Variants in STXBP5 observed in about 807,000 individuals in gnomAD.
STXBP5 encodes syntaxin binding protein 5.
STXBP5 carries 50 observed loss-of-function variants against 152.4 expected under a neutral mutation model. The observed-to-expected ratio is 0.33, with a 90% CI of 0.26 to 0.42. The LOEUF is 0.42. Ranked by LOEUF, STXBP5 falls within the 10% of genes least tolerant of loss-of-function variation. STXBP5 has a pLI of 1.00. For synonymous variants in STXBP5, 492 were observed against 494.7 expected, an observed-to-expected ratio of 0.99 and a Z score of 0.07; for missense variants, 1,167 against 1,388.6, an observed-to-expected ratio of 0.84 and a Z score of 2.54.
At chr6:147,232,528 CCCCTTGGGGCTAGCTG>C (rs1778056293) in intron 2 of STXBP5, among the ~76,000 whole-genome samples, 1 of 151,700 alleles carries the variant, frequency 6.6e-6, no homozygotes, top group Non-Finnish European at 1.5e-5. Context: ...GGTGGTAGGA[CCCCTTGGGGCTAGCTG>C]CAGCTGTATA....
intron 2 of STXBP5, among the ~76,000 whole-genome samples, chr6:147,229,357 A>C (rs1777882801): frequency 6.6e-6 from 1 of 151,692 alleles, no homozygotes; most frequent in Admixed American, 6.6e-5. Flanking sequence ...TTTTTTTTTA[A>C]CAGCTTTAGT....
chr6:147,290,684 A>G (rs995665608), intron 8 of STXBP5, among the ~76,000 whole-genome samples: 12 of 152,336 alleles, frequency 7.9e-5, no homozygotes, highest in African/African-American at 2.4e-4. Flanking sequence ...TTATTAGCAT[A>G]GGGCTTAATA....
intron 23 of STXBP5, among the ~76,000 whole-genome samples, chr6:147,362,423 G>A (rs1785108069): frequency 6.6e-6 from 1 of 152,120 alleles, no homozygotes; most frequent in Non-Finnish European, 1.5e-5. Context: ...TTACTCAGAA[G>A]TGAGCATAAA....
intron 7 of STXBP5, among the ~76,000 whole-genome samples, chr6:147,275,803 C>T (rs185006884): frequency 2.6e-4 from 40 of 152,070 alleles, no homozygotes; most frequent in Admixed American, 2.1e-3. Flanking sequence ...ATGATCCACC[C>T]GCCTTGGCCT....
At chr6:147,368,016 A>T (rs1403465765) in intron 25 of STXBP5, among the ~76,000 whole-genome samples, 1 of 152,162 alleles carries the variant, frequency 6.6e-6, no homozygotes, top group East Asian at 1.9e-4. Context: ...ATTGAAATAG[A>T]GGTTAGGAAC....
intron 22 of STXBP5, among the ~76,000 whole-genome samples, chr6:147,356,534 T>C (rs1784822889): frequency 6.6e-6 from 1 of 151,970 alleles, no homozygotes; most frequent in South Asian, 2.1e-4. Context: ...TAGTAAGTAG[T>C]TCTTTTCTAC....
At chr6:147,322,231 G>A (rs1290482476) in intron 16 of STXBP5, among the ~76,000 whole-genome samples, 1 of 152,150 alleles carries the variant, frequency 6.6e-6, no homozygotes, top group African/African-American at 2.4e-5. Flanking sequence ...CTGTGTCAAG[G>A]CTGACTCTGG....
rs541154125 is a variant in STXBP5, at chr6:147,291,219, A to C, written c.917+47A>C. The C allele has an allele frequency of 1.4e-5, 20 of 1,449,960 alleles. No homozygotes were observed. The East Asian group carries it at 4.6e-4, about 33-fold the overall frequency. 89.8% of individuals were successfully genotyped at this position (1,449,960 alleles called of 1,614,324 possible). A position where few individuals can be genotyped will look rare whatever the true frequency, so the allele number is the denominator to read the frequency against. On this transcript the variant is annotated intron_variant, in intron 9 of 27. Transcript: ENST00000321680. ...AATGTTCATTGTATATAAGTCCTCA[A>C]ATAGCATGGAAGGCTATTTTATCAT...
chr6:147,279,975 G>T lies in STXBP5; in HGVS notation c.838+1771G>T, dbSNP rs530993406. Among the ~76,000 whole-genome samples the T allele has an allele frequency of 2.6e-5, 4 of 152,026 alleles. No homozygotes were observed. In the South Asian group the frequency reaches 8.3e-4, roughly 32 times the overall value. ...AGATTATCTGTTTTTATCTTGTTTT[G>T]TAAGAATAGTACAAAGGATCTTTTT... On this transcript the variant is annotated intron_variant, in intron 8 of 27. Transcript: ENST00000321680.
chr6:147,372,313 C>T (rs565511428), intron 25 of STXBP5, among the ~76,000 whole-genome samples: 1 of 148,854 alleles, frequency 6.7e-6, no homozygotes, highest in South Asian at 2.2e-4. Context: ...AAGGAAGAAA[C>T]CCTGAAAAAT....
chr6:147,254,137 C>T (rs1779240535), intron 4 of STXBP5, among the ~76,000 whole-genome samples: 1 of 152,036 alleles, frequency 6.6e-6, no homozygotes, highest in African/African-American at 2.4e-5. Flanking sequence ...AGAAACAACC[C>T]ACACATCTAC....
chr6:147,381,954 A>T (rs1786106715), intron 26 of STXBP5, among the ~76,000 whole-genome samples: 3 of 152,152 alleles, frequency 2.0e-5, no homozygotes, highest in African/African-American at 7.2e-5. Flanking sequence ...ATTCATTAGT[A>T]GTGGTGGTGA....
At chr6:147,223,614 T>C (rs1391223309) in intron 2 of STXBP5, among the ~76,000 whole-genome samples, 2 of 152,312 alleles carry the variant, frequency 1.3e-5, no homozygotes, top group East Asian at 3.9e-4. Flanking sequence ...ACTATGGCTA[T>C]ACATTAGAAT....
At chr6:147,320,874 C>G (rs977378670) in intron 16 of STXBP5, among the ~76,000 whole-genome samples, 8 of 152,018 alleles carry the variant, frequency 5.3e-5, no homozygotes. Flanking sequence ...AACAAGAATG[C>G]ATGGGAAGAT....
At chr6:147,341,038 G>A (rs1358671713) in intron 21 of STXBP5, among the ~76,000 whole-genome samples, 5 of 152,058 alleles carry the variant, frequency 3.3e-5, no homozygotes, top group African/African-American at 1.2e-4. Context: ...ACCTCAGGAA[G>A]CATTGTTATA....
chr6:147,277,628 A>G (rs989833454), intron 7 of STXBP5, among the ~76,000 whole-genome samples: 1 of 152,100 alleles, frequency 6.6e-6, no homozygotes, highest in Non-Finnish European at 1.5e-5. Flanking sequence ...AACCTGAAAC[A>G]TTTGTATTGA....
intron 18 of STXBP5, among the ~76,000 whole-genome samples, chr6:147,332,980 A>G (rs1192413579): frequency 6.6e-6 from 1 of 152,136 alleles, no homozygotes; most frequent in African/African-American, 2.4e-5. Context: ...GCAGTTGACA[A>G]AAATACCAAG....
At chr6:147,320,593 G>GTA (rs1782887020) in intron 16 of STXBP5, among the ~76,000 whole-genome samples, 3 of 149,414 alleles carry the variant, frequency 2.0e-5, no homozygotes, top group African/African-American at 7.6e-5. Flanking sequence ...GTGTGTGTGT[G>GTA]TACACATGCT....
intron 6 of STXBP5, among the ~76,000 whole-genome samples, chr6:147,265,660 C>T (rs1441929332): frequency 6.6e-6 from 1 of 151,744 alleles, no homozygotes; most frequent in East Asian, 1.9e-4. Flanking sequence ...TGAGGTGGGG[C>T]CTGGGGGTAC....
Sources: gnomAD v4.1 joint callset for allele counts (sites outside exome capture counted in the v4.1 genomes callset) on GRCh38, gnomAD v4.1.1 for gene constraint, MANE v1.5 for transcripts, NCBI Gene and HGNC (gene_info 2026-07-23, HGNC 2026-07-21) for gene names.